The following DHX37 variants were observed in gnomAD, a reference collection of about 807,000 sequenced individuals.
DHX37 encodes probable ATP-dependent RNA helicase DHX37.
In DHX37, 52 loss-of-function variants were observed where a neutral mutation model predicts 134.3. That is an observed-to-expected ratio of 0.39 (90% CI 0.31 to 0.49). The LOEUF (loss-of-function observed/expected upper bound fraction) is 0.49. DHX37 is among the 20% of genes least tolerant of loss of function. DHX37 has a pLI of 0.93. For synonymous variants in DHX37, 634 were observed against 670.7 expected (o/e 0.95, Z 0.85); for missense variants, 1,344 against 1,580.8 (o/e 0.85, Z 2.54).
chr12:124,948,485 G>A, intron 25 of DHX37: 2 of 458,722 alleles, frequency 4.4e-6, no homozygotes, highest in Non-Finnish European at 7.9e-6. Context: ...GGTGGCTCAC[G>A]CCTGTAATCC....
intron 8 of DHX37, among the ~76,000 whole-genome samples, chr12:124,970,951 C>T (rs1954509313): frequency 6.6e-6 from 1 of 152,258 alleles, no homozygotes; most frequent in Non-Finnish European, 1.5e-5. Flanking sequence ...GCTGGGCAGG[C>T]CCACCTGCTC....
intron 16 of DHX37, among the ~76,000 whole-genome samples, chr12:124,958,475 G>A (rs549412364): frequency 9.2e-5 from 14 of 152,094 alleles, no homozygotes; most frequent in African/African-American, 2.9e-4. Context: ...TTTTATCCAC[G>A]TGACCCACAG....
At chr12:124,950,330 C>CGGGGGCA (rs1953951631) in intron 23 of DHX37, 83 bp downstream of exon 23, 8 of 1,602,236 alleles carry the variant, frequency 5.0e-6, no homozygotes. Flanking sequence ...CACACACGTC[C>CGGGGGCA]GGGGGCAGGG....
intron 16 of DHX37, among the ~76,000 whole-genome samples, chr12:124,959,198 T>C (rs11831832): frequency 0.16 from 23,654 of 151,320 alleles, 4,717 homozygotes; most frequent in African/African-American, 0.47. Context: ...CTCAGCCTCC[T>C]GAGTAGCTGG....
rs1435888926 is a variant in DHX37, at chr12:124,971,410, G to A, written c.1083C>T (p.Phe361=). 6.2e-7 allele frequency: 1 copy of A among 1,613,056 alleles called. No homozygotes were observed. Among genetic ancestry groups the A allele is most frequent in the Admixed American group, 1.7e-5 (1 of 59,978 alleles). ...GVLLKEIQKD[F]LLLRYKVVII... ...TCACCACCTTGTACCGCAGCAGCAG[G>A]AAGTCCTGGGGGGAGGTCCGGGGTG... is the stretch of plus-strand genomic sequence containing the variant. The change falls in exon 8 of 27, where the codon TTC becomes TTT. Residue 361 remains phenylalanine, a synonymous_variant. Transcript: ENST00000308736.
rs368474812 is a variant in DHX37, at chr12:124,982,359, G to C, written c.389+152C>G. The C allele has an allele frequency of 9.8e-5, 102 of 1,036,460 alleles. No homozygotes were observed. In the East Asian group the frequency reaches 2.3e-3, roughly 23 times the overall value. 64.2% of individuals were successfully genotyped at this position (1,036,460 alleles called of 1,614,324 possible). Reference sequence around the variant, plus strand: ...GCATCTGTGGCCTTTACCCACTAGAGGCATTTAGGATGACAATGAATTTTC... The same window carrying C: ...GCATCTGTGGCCTTTACCCACTAGACGCATTTAGGATGACAATGAATTTTC... On this transcript the variant is annotated intron_variant, in intron 3 of 26. Coordinates refer to ENST00000308736, the MANE Select transcript of DHX37 (RefSeq NM_032656.4).
At chr12:124,986,563 T>C (rs973942527) in intron 1 of DHX37, among the ~76,000 whole-genome samples, 1 of 151,526 alleles carries the variant, frequency 6.6e-6, no homozygotes, top group South Asian at 2.1e-4. Flanking sequence ...ATACAAAAAT[T>C]AGCCAGGTGT....
At chr12:124,957,686 C>T (rs1954125911) in intron 16 of DHX37, among the ~76,000 whole-genome samples, 1 of 152,142 alleles carries the variant, frequency 6.6e-6, no homozygotes, top group South Asian at 2.1e-4. Context: ...ACTTGGGAGG[C>T]TGAGACAGGA....
At position 124,950,034 on chromosome 12, in the gene DHX37, C is replaced by T. The variant is rs4447263; in HGVS notation, c.3242G>A (p.Arg1081Gln). ...GCCGGGGCTGGACAGCAGACAGCTC[C>T]GGTATGAGGCCAGCTTGCGGAAGAC... is the stretch of plus-strand genomic sequence containing the variant. Reference protein sequence around the residue: ...GQVFRKLASYRSCLLSSPGTM... With the variant: ...GQVFRKLASYQSCLLSSPGTM... The change falls in exon 25 of 27, where the codon CGG becomes CAG. Residue 1081 changes from arginine to glutamine, a missense_variant. Transcript: ENST00000308736. The T allele has an allele frequency of 0.6, 969,622 of 1,612,378 alleles. 296,606 individuals are homozygous for T. Among genetic ancestry groups the T allele is most frequent in the East Asian group, 0.83 (37,259 of 44,804 alleles).
At chr12:124,963,950 G>C (rs1954325057) in intron 15 of DHX37, among the ~76,000 whole-genome samples, 1 of 150,630 alleles carries the variant, frequency 6.6e-6, no homozygotes, top group Non-Finnish European at 1.5e-5. Flanking sequence ...CTGAACTCAG[G>C]AGTTCGAGAC....
intron 8 of DHX37, among the ~76,000 whole-genome samples, chr12:124,970,267 CCCGG>C (rs1954488246): frequency 6.6e-6 from 1 of 152,246 alleles, no homozygotes; most frequent in Non-Finnish European, 1.5e-5. Flanking sequence ...AGCCACCGTG[CCCGG>C]CCTAGGGTTT....
At chr12:124,951,335 G>C (rs1953973918) in intron 21 of DHX37, among the ~76,000 whole-genome samples, 1 of 150,824 alleles carries the variant, frequency 6.6e-6, no homozygotes, top group African/African-American at 2.4e-5. Context: ...GATGGGGCTT[G>C]AAAGCATCAC....
intron 1 of DHX37, among the ~76,000 whole-genome samples, chr12:124,988,216 C>T (rs1419608081): frequency 1.3e-5 from 2 of 151,978 alleles, no homozygotes; most frequent in African/African-American, 4.8e-5. Context: ...CAGTCCTCGC[C>T]AAGACTGCAG....
At chr12:124,969,851 G>A (rs1401683183) in intron 8 of DHX37, among the ~76,000 whole-genome samples, 4 of 151,930 alleles carry the variant, frequency 2.6e-5, no homozygotes, top group Non-Finnish European at 5.9e-5. Context: ...AGCCCAGAAG[G>A]TCGGGGTTGC....
rs756681997 is a variant in DHX37 at position 124,965,708 on chromosome 12, G to A, written c.1695C>T (p.Ser565=). The change falls in exon 13 of 27, where the codon TCC becomes TCT. Residue 565 remains serine, a synonymous_variant. Transcript: ENST00000308736. ...EVDEEEGALD[S]DLDLDLGDGG... ...CATCCCCCAGGTCCAGATCGAGGTC[G>A]GAGTCCAGGGCCCCCTCTTCCTCAT... 24 of 1,613,602 alleles carry A rather than the reference G, an allele frequency of 1.5e-5. No homozygotes were observed. In the East Asian group the frequency reaches 1.6e-4, roughly 10 times the overall value.
intron 4 of DHX37, among the ~76,000 whole-genome samples, chr12:124,979,849 T>C (rs773818867): frequency 1.3e-5 from 2 of 152,028 alleles, no homozygotes; most frequent in African/African-American, 4.8e-5. Flanking sequence ...CACTTTGGGG[T>C]CATTTGCTAG....
chr12:124,958,423 G>C, intron 16 of DHX37, among the ~76,000 whole-genome samples: 1 of 152,156 alleles, frequency 6.6e-6, no homozygotes, highest in South Asian at 2.1e-4. Context: ...ACTCCCGACA[G>C]TGCTCCCAGC....
chr12:124,977,019 C>T (rs142880652), intron 5 of DHX37, among the ~76,000 whole-genome samples: 1,429 of 134,870 alleles, frequency 0.011, 24 homozygotes, highest in African/African-American at 0.038. Flanking sequence ...GTACTCCAGC[C>T]GGGGTGACAC....
At position 124,948,152 on chromosome 12, in the gene DHX37, C is replaced by T. The variant is rs751307460; in HGVS notation, c.3320G>A (p.Arg1107Gln). The change falls in exon 26 of 27, where the codon CGA becomes CAA. Residue 1107 changes from arginine to glutamine, a missense_variant. Transcript: ENST00000308736. ...GTCAGCCTTCTCTGCAACCAGGGCT[C>T]GCAGAAGGCTCTCCGTACGGGGCTG... Reference protein sequence around the residue: ...RLQPRTESLLRALVAEKADCH... With the variant: ...RLQPRTESLLQALVAEKADCH... 3.1e-6 allele frequency: 5 copies of T among 1,614,204 alleles called. No individual in the cohort carries two copies. The highest frequency in any genetic ancestry group is 1.7e-4 in the Middle Eastern group (1 of 6,056).
Sources: allele counts gnomAD v4.1 joint callset (sites outside exome capture counted in the v4.1 genomes callset), GRCh38; gene constraint gnomAD v4.1.1; transcripts MANE v1.5; gene names NCBI Gene and HGNC (gene_info 2026-07-23, HGNC 2026-07-21).